The following CNTNAP2 variants were observed in gnomAD, a reference collection of about 807,000 sequenced individuals.
The protein encoded by CNTNAP2 is contactin associated protein 2, also known as contactin-associated protein-like 2.
Under a neutral mutation model 155.2 loss-of-function variants are expected in CNTNAP2, and 98 were observed. The ratio of observed to expected loss-of-function variants is 0.63; its 90% confidence interval spans 0.54 to 0.75. The LOEUF is 0.75. CNTNAP2 is among the 30% of genes least tolerant of loss of function. The probability of loss-of-function intolerance (pLI) is 0.00; values close to 1 mark genes in which losing one functional copy is unlikely to be tolerated. For missense variants in CNTNAP2, 1,727 were observed against 1,688.1 expected, an observed-to-expected ratio of 1.02 and a Z score of -0.40; for synonymous variants, 651 against 631.2, an observed-to-expected ratio of 1.03 and a Z score of -0.47.
At chr7:147,876,442 G>T (rs78371353) in intron 13 of CNTNAP2, among the ~76,000 whole-genome samples, 6,010 of 152,266 alleles carry the variant, frequency 0.039, 380 homozygotes, top group African/African-American at 0.14. Context: ...ATTTGTGTGT[G>T]TTTGTGTGGT....
At chr7:148,156,635 C>T (rs569345698) in intron 17 of CNTNAP2, among the ~76,000 whole-genome samples, 1 of 152,178 alleles carries the variant, frequency 6.6e-6, no homozygotes. Flanking sequence ...TCTCTTCTCT[C>T]AGGAACTCTA....
At chr7:147,626,200 G>A (rs1054423667) in intron 12 of CNTNAP2, among the ~76,000 whole-genome samples, 7 of 152,000 alleles carry the variant, frequency 4.6e-5, no homozygotes, top group Admixed American at 2.6e-4. Flanking sequence ...CTGCAGATTC[G>A]AGCACAGGAG....
chr7:147,451,287 A>G (rs773001815), intron 10 of CNTNAP2, among the ~76,000 whole-genome samples: 2 of 152,174 alleles, frequency 1.3e-5, no homozygotes, highest in Non-Finnish European at 2.9e-5. Context: ...ATGTTTGTCA[A>G]TTTCTTAACA....
intron 13 of CNTNAP2, among the ~76,000 whole-genome samples, chr7:147,879,557 G>A (rs1022137565): frequency 6.6e-6 from 1 of 152,100 alleles, no homozygotes; most frequent in African/African-American, 2.4e-5. Context: ...ATCTAGTTGT[G>A]CAATAAGTCC....
rs377595912 is a variant in CNTNAP2, at chr7:146,551,386, G to A, written c.98-222885G>A. Among the ~76,000 whole-genome samples the A allele has an allele frequency of 4.6e-3, 694 of 152,048 alleles. 4 individuals carry two copies. Among genetic ancestry groups the A allele is most frequent in the African/African-American group, 0.016 (647 of 41,456 alleles). ...TCCCACCTATGAGTGAGAACATGTG[G>A]TGTTTGGTTTTTTGTCCTTGCGATA... On this transcript the variant is annotated intron_variant, in intron 1 of 23. Transcript: ENST00000361727.
At chr7:148,021,259 G>T (rs946675026) in intron 15 of CNTNAP2, among the ~76,000 whole-genome samples, 1 of 152,210 alleles carries the variant, frequency 6.6e-6, no homozygotes. Flanking sequence ...CTGAACACTT[G>T]TTATGTGCCA....
intron 1 of CNTNAP2, among the ~76,000 whole-genome samples, chr7:146,614,736 C>G (rs1337530516): frequency 2.0e-5 from 3 of 152,118 alleles, no homozygotes; most frequent in Non-Finnish European, 4.4e-5. Flanking sequence ...GAAAACTAGG[C>G]TCAGTTGCAA....
intron 21 of CNTNAP2, among the ~76,000 whole-genome samples, chr7:148,348,368 T>C (rs1345910398): frequency 2.6e-5 from 4 of 152,238 alleles, no homozygotes; most frequent in African/African-American, 9.6e-5. Flanking sequence ...CCTGCATTAT[T>C]AGTGGATATT....
chr7:147,624,521 T>C (rs553711683), intron 12 of CNTNAP2, among the ~76,000 whole-genome samples: 3 of 152,276 alleles, frequency 2.0e-5, no homozygotes, highest in South Asian at 2.1e-4. Context: ...CTAGACATCA[T>C]TGATCATCAG....
chr7:148,183,287 A>G (rs1388741274), intron 18 of CNTNAP2, among the ~76,000 whole-genome samples: 3 of 152,200 alleles, frequency 2.0e-5, no homozygotes, highest in Non-Finnish European at 4.4e-5. Flanking sequence ...TTGTCCAAGG[A>G]CAGCATGGCA....
intron 14 of CNTNAP2, among the ~76,000 whole-genome samples, chr7:147,955,196 TTGA>T (rs1207285873): frequency 1.3e-5 from 2 of 152,254 alleles, no homozygotes; most frequent in Admixed American, 6.5e-5. Flanking sequence ...TTACAACTCG[TTGA>T]TAGTCATCAA....
chr7:146,893,675 A>G (rs1369826677), intron 3 of CNTNAP2, among the ~76,000 whole-genome samples: 2 of 152,094 alleles, frequency 1.3e-5, no homozygotes, highest in African/African-American at 4.8e-5. Flanking sequence ...TGAAGACTGG[A>G]TAGAAAGCTA....
intron 1 of CNTNAP2, among the ~76,000 whole-genome samples, chr7:146,338,004 G>A (rs192010743): frequency 6.6e-6 from 1 of 152,042 alleles, no homozygotes; most frequent in Non-Finnish European, 1.5e-5. Flanking sequence ...TATTCTGAAG[G>A]ATTTGCTTTC....
At chr7:146,271,724 G>A (rs183660606) in intron 1 of CNTNAP2, among the ~76,000 whole-genome samples, 22 of 151,882 alleles carry the variant, frequency 1.4e-4, no homozygotes, top group African/African-American at 4.6e-4. Context: ...ATACTTTAGA[G>A]AGCCACAATT....
Position 146,376,819 on chromosome 7 carries a change from T to C in CNTNAP2, c.97+259846T>C, listed in dbSNP as rs149504518. ...GCCCTCATGAATAGTATTAAAATCC[T>C]AATTTTAGGGCTCAAGAGAACTAGC... On this transcript the variant is annotated intron_variant, in intron 1 of 23. Coordinates refer to ENST00000361727, the MANE Select transcript of CNTNAP2 (RefSeq NM_014141.6). Among the ~76,000 whole-genome samples, 992 of 152,244 alleles carry C rather than the reference T, an allele frequency of 6.5e-3. 4 individuals carry two copies. The highest frequency in any genetic ancestry group is 9.9e-3 in the Non-Finnish European group (673 of 68,010).
chr7:148,115,356 C>T (rs887287858), intron 15 of CNTNAP2, among the ~76,000 whole-genome samples: 9 of 152,176 alleles, frequency 5.9e-5, no homozygotes, highest in African/African-American at 2.2e-4. Context: ...TACATCACCA[C>T]CTCAGAAAAT....
chr7:147,273,896 AATT>A (rs1434339367), intron 8 of CNTNAP2, among the ~76,000 whole-genome samples: 1 of 147,918 alleles, frequency 6.8e-6, no homozygotes, highest in Admixed American at 6.8e-5. Context: ...TTATATGTGT[AATT>A]ATATATTACG....
chr7:147,602,775 T>C (rs1471621720), intron 12 of CNTNAP2, among the ~76,000 whole-genome samples: 13 of 152,054 alleles, frequency 8.5e-5, no homozygotes, highest in Non-Finnish European at 1.9e-4. Flanking sequence ...TTACTGAGAA[T>C]GATGATTTCC....
intron 3 of CNTNAP2, among the ~76,000 whole-genome samples, chr7:146,896,886 T>C (rs991947180): frequency 6.6e-6 from 1 of 152,060 alleles, no homozygotes; most frequent in South Asian, 2.1e-4. Flanking sequence ...AACTTATTAA[T>C]TAATGAGGGA....
Sources: allele counts gnomAD v4.1 joint callset (sites outside exome capture counted in the v4.1 genomes callset), GRCh38; gene constraint gnomAD v4.1.1; transcripts MANE v1.5; gene names NCBI Gene and HGNC (gene_info 2026-07-23, HGNC 2026-07-21).